CDH12: variants seen among roughly 807,000 people sequenced by gnomAD.
CDH12 encodes cadherin 12.
CDH12 carries 41 observed loss-of-function variants against 74.1 expected under a neutral mutation model. The ratio of observed to expected loss-of-function variants is 0.55; its 90% CI spans 0.43 to 0.72. The LOEUF is 0.72. Ranked by LOEUF, CDH12 falls within the 30% of genes least tolerant of loss-of-function variation. CDH12 has a pLI of 0.00. For missense variants in CDH12, 945 were observed against 977.2 expected (o/e 0.97, Z 0.44); for synonymous variants, 399 against 355.0 (o/e 1.12, Z -1.39).
chr5:21,965,175 G>T (rs1756524966), intron 6 of CDH12, among the ~76,000 whole-genome samples: 1 of 151,882 alleles, frequency 6.6e-6, no homozygotes, highest in Non-Finnish European at 1.5e-5. Context: ...AAGAGTTTGG[G>T]GAAAATAGAA....
chr5:22,435,524 G>GTGTGTGTATA (rs148027987), intron 2 of CDH12, among the ~76,000 whole-genome samples: 25 of 148,720 alleles, frequency 1.7e-4, no homozygotes, highest in Admixed American at 2.7e-4. Context: ...GTGTGTGTGT[G>GTGTGTGTATA]TATATACATA....
At chr5:21,986,333 A>G (rs897915903) in intron 5 of CDH12, among the ~76,000 whole-genome samples, 2 of 152,172 alleles carry the variant, frequency 1.3e-5, no homozygotes, top group African/African-American at 4.8e-5. Context: ...CTTTGCTTGA[A>G]TATTGCCTTC....
chr5:22,214,273 C>T (rs558080635), intron 3 of CDH12, among the ~76,000 whole-genome samples: 6 of 152,078 alleles, frequency 3.9e-5, no homozygotes, highest in African/African-American at 1.4e-4. Flanking sequence ...GCAGAGGTCT[C>T]TTGCTCCCTC....
chr5:22,698,769 T>TGA (rs1742559046), intron 1 of CDH12, among the ~76,000 whole-genome samples: 2 of 113,786 alleles, frequency 1.8e-5, no homozygotes, highest in East Asian at 2.7e-4. Context: ...TGTGTGTGTG[T>TGA]GAAAGAGAAA....
intron 1 of CDH12, among the ~76,000 whole-genome samples, chr5:22,605,735 C>G (rs1737080760): frequency 6.6e-6 from 1 of 152,246 alleles, no homozygotes; most frequent in African/African-American, 2.4e-5. Context: ...TCCACCAGCC[C>G]ATAGGCTGCT....
At chr5:22,693,937 A>G (rs116698951) in intron 1 of CDH12, among the ~76,000 whole-genome samples, 3,610 of 151,996 alleles carry the variant, frequency 0.024, 143 homozygotes, top group African/African-American at 0.083. Flanking sequence ...AAAATTATTT[A>G]TTTATTTATT....
At chr5:22,016,464 C>T (rs1242666074) in intron 5 of CDH12, among the ~76,000 whole-genome samples, 2 of 151,830 alleles carry the variant, frequency 1.3e-5, no homozygotes, top group African/African-American at 2.4e-5. Context: ...GGTGCAATCT[C>T]GACTCACTTC....
At chr5:22,408,759 A>T (rs2126467065) in intron 2 of CDH12, among the ~76,000 whole-genome samples, 1 of 151,944 alleles carries the variant, frequency 6.6e-6, no homozygotes, top group South Asian at 2.1e-4. Flanking sequence ...ACCTGGAAAA[A>T]AATAGATTCC....
At chr5:22,659,263 T>G (rs1278317252) in intron 1 of CDH12, among the ~76,000 whole-genome samples, 1 of 152,126 alleles carries the variant, frequency 6.6e-6, no homozygotes, top group Non-Finnish European at 1.5e-5. Context: ...GAATGTGATT[T>G]TGTACCTAGT....
chr5:22,850,903 AG>A, intron 1 of CDH12, among the ~76,000 whole-genome samples: 3 of 152,244 alleles, frequency 2.0e-5, no homozygotes, highest in Middle Eastern at 6.8e-3. Flanking sequence ...GCATTTTAAG[AG>A]GCAAGAGTGA....
At chr5:22,850,862 A>G (rs997952910) in intron 1 of CDH12, among the ~76,000 whole-genome samples, 1 of 152,108 alleles carries the variant, frequency 6.6e-6, no homozygotes, top group Non-Finnish European at 1.5e-5. Flanking sequence ...TCCTCCTATC[A>G]TGGCAAGACT....
intron 2 of CDH12, among the ~76,000 whole-genome samples, chr5:22,436,405 G>A (rs1255220666): frequency 2.0e-5 from 3 of 150,228 alleles, no homozygotes; most frequent in Non-Finnish European, 3.0e-5. Context: ...AAACCTGCAC[G>A]TTGTGCACAT....
intron 3 of CDH12, among the ~76,000 whole-genome samples, chr5:22,273,739 C>T (rs1736505864): frequency 6.6e-6 from 1 of 151,912 alleles, no homozygotes; most frequent in South Asian, 2.1e-4. Context: ...TGGGATTATT[C>T]CTATCTCACT....
chr5:22,537,568 AGCCCTGAGATAACCTCCCCTCTG>A (rs1478756477), intron 1 of CDH12, among the ~76,000 whole-genome samples: 1 of 152,144 alleles, frequency 6.6e-6, no homozygotes, highest in Non-Finnish European at 1.5e-5. Context: ...AAGACATGCC[AGCCCTGAGATAACCTCCCCTCTG>A]GCCGGAGAGA....
chr5:22,162,832 C>T (rs1479359627), intron 4 of CDH12, among the ~76,000 whole-genome samples: 3 of 151,728 alleles, frequency 2.0e-5, no homozygotes, highest in Non-Finnish European at 4.4e-5. Flanking sequence ...CTCAATACAC[C>T]CTATTATGCA....
At chr5:22,576,115 T>C (rs1739776330) in intron 1 of CDH12, among the ~76,000 whole-genome samples, 1 of 152,188 alleles carries the variant, frequency 6.6e-6, no homozygotes, top group Admixed American at 6.5e-5. Flanking sequence ...GAATCTTCTG[T>C]GTTCTCAGGA....
intron 2 of CDH12, among the ~76,000 whole-genome samples, chr5:22,412,836 T>C (rs1743218857): frequency 6.6e-6 from 1 of 151,978 alleles, no homozygotes; most frequent in African/African-American, 2.4e-5. Context: ...CTCTATTCTT[T>C]CCTCTGCAGG....
At chr5:21,830,773 C>T (rs938618041) in intron 8 of CDH12, among the ~76,000 whole-genome samples, 5 of 152,042 alleles carry the variant, frequency 3.3e-5, no homozygotes, top group Non-Finnish European at 7.4e-5. Flanking sequence ...TATGGTGGCT[C>T]AAGCCTCTAT....
At chr5:22,433,785 C>T (rs907787193) in intron 2 of CDH12, among the ~76,000 whole-genome samples, 1 of 152,116 alleles carries the variant, frequency 6.6e-6, no homozygotes, top group Non-Finnish European at 1.5e-5. Flanking sequence ...AGTGTGAATG[C>T]CCTTCAACTA....
Sources: gnomAD v4.1 joint callset for allele counts (sites outside exome capture counted in the v4.1 genomes callset) on GRCh38, gnomAD v4.1.1 for gene constraint, MANE v1.5 for transcripts, NCBI Gene and HGNC (gene_info 2026-07-23, HGNC 2026-07-21) for gene names.